Variants in BICRA observed in about 807,000 individuals in gnomAD.
The protein encoded by BICRA is BRD4-interacting chromatin-remodeling complex-associated protein.
A neutral mutation model predicts 96.9 loss-of-function variants in BICRA; 31 were observed. The ratio of observed to expected loss-of-function variants is 0.32; its 90% CI spans 0.24 to 0.43. The LOEUF (loss-of-function observed/expected upper bound fraction) is 0.43. Among genes scored for constraint, BICRA ranks in the 20% least tolerant of loss-of-function variants. The pLI is 1.00. For synonymous variants in BICRA, 1,350 were observed against 1,071.8 expected (o/e 1.26, Z -5.07); for missense variants, 2,283 against 2,190.3 (o/e 1.04, Z -0.84).
At chr19:47,652,633 C>T (rs572679031) in intron 1 of BICRA, among the ~76,000 whole-genome samples, 30 of 152,340 alleles carry the variant, frequency 2.0e-4, no homozygotes, top group African/African-American at 7.0e-4. Context: ...CATTCGGCTG[C>T]AAGTAACAGT....
intron 1 of BICRA, among the ~76,000 whole-genome samples, chr19:47,621,006 T>A (rs1018047156): frequency 1.3e-5 from 2 of 152,070 alleles, no homozygotes; most frequent in African/African-American, 4.8e-5. Context: ...GGTGCCTCTG[T>A]GTGAGCCTGG....
chr19:47,611,145 G>T (rs939475943), intron 1 of BICRA, among the ~76,000 whole-genome samples: 5 of 152,082 alleles, frequency 3.3e-5, no homozygotes, highest in African/African-American at 1.2e-4. Context: ...GTAACCTCCT[G>T]GAGTTTTTCC....
intron 11 of BICRA, among the ~76,000 whole-genome samples, chr19:47,697,152 G>A (rs1183275470): frequency 6.6e-6 from 1 of 152,018 alleles, no homozygotes; most frequent in African/African-American, 2.4e-5. Context: ...GACCACAGGC[G>A]TCTGCCACCA....
intron 1 of BICRA, among the ~76,000 whole-genome samples, chr19:47,647,997 A>G (rs1972486028): frequency 6.6e-6 from 1 of 151,588 alleles, no homozygotes; most frequent in East Asian, 1.9e-4. Context: ...ACTGGTGTAG[A>G]CCTACTGGAT....
At chr19:47,637,491 T>G (rs1000654768) in intron 1 of BICRA, among the ~76,000 whole-genome samples, 4 of 152,208 alleles carry the variant, frequency 2.6e-5, no homozygotes, top group Non-Finnish European at 5.9e-5. Context: ...CTCAGCTCAC[T>G]ACAACCTCTG....
rs186383751 is a variant in BICRA, at chr19:47,698,047, C to T, written c.3249-587C>T. Among the ~76,000 whole-genome samples, 1 of 152,288 alleles carries T rather than the reference C, an allele frequency of 6.6e-6. No individual in the cohort carries two copies. Among genetic ancestry groups the T allele is most frequent in the Non-Finnish European group, 1.5e-5 (1 of 68,032 alleles). ...TCCCCACTCAGTGCCCAGGCCTGAG[C>T]CCCATGTTGGGAACACAGGAGTAAG... On this transcript the variant is annotated intron_variant, in intron 11 of 14. Transcript: ENST00000594866. The surrounding 1 kb of genome is among the most constrained non-coding windows in gnomAD (Gnocchi z 4.8).
At chr19:47,630,887 C>G (rs891539290) in intron 1 of BICRA, among the ~76,000 whole-genome samples, 5 of 152,170 alleles carry the variant, frequency 3.3e-5, no homozygotes, top group African/African-American at 1.2e-4. Context: ...AGTTTCTCCA[C>G]ATCCTTGCCA....
intron 1 of BICRA, among the ~76,000 whole-genome samples, chr19:47,610,026 C>T (rs1218045039): frequency 1.4e-4 from 21 of 152,246 alleles, no homozygotes; most frequent in East Asian, 5.8e-4. Flanking sequence ...CCATCTCCTA[C>T]CCCTCGGCCT....
chr19:47,664,609 A>C (rs946918915), intron 1 of BICRA, among the ~76,000 whole-genome samples: 2 of 152,194 alleles, frequency 1.3e-5, no homozygotes, highest in Non-Finnish European at 2.9e-5. Context: ...TGGAGTAAGC[A>C]CAGGGGCTGG....
intron 1 of BICRA, among the ~76,000 whole-genome samples, chr19:47,641,412 G>C (rs1198982803): frequency 6.6e-6 from 1 of 151,998 alleles, no homozygotes; most frequent in African/African-American, 2.4e-5. Context: ...CTACCCCCTG[G>C]CTCAGGCAAT....
At position 47,699,454 on chromosome 19, in the gene BICRA, C is replaced by T. The variant is rs559529090; in HGVS notation, c.3595+49C>T. 3 of 1,059,506 alleles carry T rather than the reference C, an allele frequency of 2.8e-6. No homozygotes were observed. Among genetic ancestry groups the T allele is most frequent in the Non-Finnish European group, 4.3e-6 (3 of 699,238 alleles). 65.6% of individuals were successfully genotyped at this position (1,059,506 alleles called of 1,614,324 possible). On this transcript the variant is annotated intron_variant, in intron 14 of 14. Coordinates refer to ENST00000594866, the MANE Select transcript of BICRA (RefSeq NM_001394372.1). The surrounding 1 kb of genome is among the most constrained non-coding windows in gnomAD (Gnocchi z 5.0). ...AGGGGAGGGAGAGGTGCCCCCACCC[C>T]ACCTGGGCAGAAGAGTTAGATTCAG...
In BICRA at chr19:47,695,417, G is replaced by A. The variant is rs778778763; in HGVS notation, c.3129G>A (p.Pro1043=). 1.6e-5 allele frequency: 23 copies of A among 1,438,212 alleles called. No individual in the cohort carries two copies. The East Asian group carries it at 2.8e-4, about 18-fold the overall frequency. 89.1% of individuals were successfully genotyped at this position (1,438,212 alleles called of 1,614,324 possible). A position where few individuals can be genotyped will look rare whatever the true frequency, so the allele number is the denominator to read the frequency against. The change falls in exon 10 of 15, where the codon CCG becomes CCA. Residue 1043 remains proline (P), a synonymous_variant. Coordinates refer to ENST00000594866, the MANE Select transcript of BICRA (RefSeq NM_001394372.1). ...AENKAFASNL[P]TLNVAKAASS... is the part of the protein sequence containing the mutation. ...ACAAGGCTTTTGCCAGCAACCTCCC[G>A]ACCCTGAATGTGGCCAAGGCCGCTT...
At chr19:47,686,937 G>A (rs35325199) in intron 7 of BICRA, among the ~76,000 whole-genome samples, 3,719 of 152,188 alleles carry the variant, frequency 0.024, 76 homozygotes, top group Non-Finnish European at 0.041. Flanking sequence ...TAGGAACAGC[G>A]GCTACTTTGT....
chr19:47,614,401 G>A (rs1971953908), intron 1 of BICRA, among the ~76,000 whole-genome samples: 1 of 152,236 alleles, frequency 6.6e-6, no homozygotes, highest in African/African-American at 2.4e-5. Context: ...CAGATCACCT[G>A]CGGTCAGGAG....
chr19:47,645,345 T>A (rs1972443974), intron 1 of BICRA, among the ~76,000 whole-genome samples: 1 of 152,216 alleles, frequency 6.6e-6, no homozygotes, highest in South Asian at 2.1e-4. Flanking sequence ...AGGCTACGCA[T>A]CGCTGGTTGG....
At chr19:47,628,217 A>G (rs934137532) in intron 1 of BICRA, among the ~76,000 whole-genome samples, 2 of 152,226 alleles carry the variant, frequency 1.3e-5, no homozygotes, top group Admixed American at 6.5e-5. Context: ...GGGCTGGTGC[A>G]GACACATTGG....
intron 11 of BICRA, 39 bp downstream of exon 11, chr19:47,696,551 C>G: frequency 6.4e-7 from 1 of 1,556,874 alleles, no homozygotes; most frequent in South Asian, 1.2e-5. Flanking sequence ...TGCCCTGTAC[C>G]TTCCAGAGAC....
chr19:47,676,861 A>G (rs1436936590), intron 5 of BICRA, among the ~76,000 whole-genome samples: 3 of 151,836 alleles, frequency 2.0e-5, no homozygotes, highest in Non-Finnish European at 2.9e-5. Flanking sequence ...TCATTTTTGT[A>G]TACCCTAAGA....
At chr19:47,654,671 G>T (rs894938779) in intron 1 of BICRA, among the ~76,000 whole-genome samples, 12 of 151,980 alleles carry the variant, frequency 7.9e-5, no homozygotes, top group Non-Finnish European at 1.5e-4. Context: ...TAACTGTAAG[G>T]CCAGGGCATG....
Sources: gnomAD v4.1 joint callset for allele counts (sites outside exome capture counted in the v4.1 genomes callset) on GRCh38, gnomAD v4.1.1 for gene constraint, Gnocchi (gnomAD v3.1) non-coding constraint, MANE v1.5 for transcripts, NCBI Gene and HGNC (gene_info 2026-07-23, HGNC 2026-07-21) for gene names.